The following NBPF3 variants were observed in gnomAD, a reference collection of about 807,000 sequenced individuals.
The protein encoded by NBPF3 is NBPF member 3, also known as NBPF family member NBPF3.
A neutral mutation model predicts 78.1 loss-of-function variants in NBPF3; 57 were observed. The ratio of observed to expected loss-of-function variants is 0.73; its 90% CI spans 0.59 to 0.91. The LOEUF (loss-of-function observed/expected upper bound fraction) is 0.91. Ranked by LOEUF, NBPF3 falls within the 40% of genes least tolerant of loss-of-function variation. The probability of loss-of-function intolerance (pLI) is 0.00; values close to 1 mark genes in which losing one functional copy is unlikely to be tolerated. For synonymous variants in NBPF3, 182 were observed against 271.7 expected, an observed-to-expected ratio of 0.67 and a Z score of 3.25; for missense variants, 510 against 715.3, an observed-to-expected ratio of 0.71 and a Z score of 3.27.
intron 3 of NBPF3, among the ~76,000 whole-genome samples, chr1:21,469,588 G>A (rs1642473614): frequency 6.6e-6 from 1 of 152,178 alleles, no homozygotes; most frequent in Non-Finnish European, 1.5e-5. Context: ...AGCTGGGCGT[G>A]GTGGCGGGCG....
At chr1:21,454,783 A>C (rs1641505038) in intron 2 of NBPF3, among the ~76,000 whole-genome samples, 1 of 152,040 alleles carries the variant, frequency 6.6e-6, no homozygotes, top group South Asian at 2.1e-4. Context: ...ATTTGTATTA[A>C]CTTTCTATTG....
chr1:21,448,236 T>C (rs572097199), intron 2 of NBPF3, among the ~76,000 whole-genome samples: 60 of 152,306 alleles, frequency 3.9e-4, no homozygotes, highest in African/African-American at 1.4e-3. Context: ...TTTTCTCTTA[T>C]GTTATCTCCT....
chr1:21,448,683 G>A (rs1186010434), intron 2 of NBPF3, among the ~76,000 whole-genome samples: 5 of 152,102 alleles, frequency 3.3e-5, no homozygotes, highest in African/African-American at 1.2e-4. Flanking sequence ...AGTTTTTAAT[G>A]CTCTAGCCAG....
At chr1:21,465,188 C>T (rs200180925) in intron 2 of NBPF3, among the ~76,000 whole-genome samples, 3,690 of 152,240 alleles carry the variant, frequency 0.024, 31 homozygotes, top group East Asian at 0.092. Context: ...GGCTCCAGGA[C>T]TTACAACAAG....
At chr1:21,447,545 T>C (rs1641060200) in intron 2 of NBPF3, among the ~76,000 whole-genome samples, 1 of 152,220 alleles carries the variant, frequency 6.6e-6, no homozygotes, top group Non-Finnish European at 1.5e-5. Context: ...TAGCATTATG[T>C]ACTTTAAGTT....
At chr1:21,466,376 A>G (rs1189858902) in intron 2 of NBPF3, among the ~76,000 whole-genome samples, 7 of 152,258 alleles carry the variant, frequency 4.6e-5, no homozygotes, top group African/African-American at 1.4e-4. Context: ...TAAAACCTAA[A>G]CCACTGCTCA....
intron 10 of NBPF3, among the ~76,000 whole-genome samples, chr1:21,479,806 C>CTA (rs1553398276): frequency 0.013 from 1,137 of 87,624 alleles, 24 homozygotes; most frequent in Middle Eastern, 0.049. Context: ...CTCTCTCTCT[C>CTA]TCTCTCTCTC....
chr1:21,447,279 A>G (rs1641042946), intron 2 of NBPF3, among the ~76,000 whole-genome samples: 1 of 152,232 alleles, frequency 6.6e-6, no homozygotes, highest in Non-Finnish European at 1.5e-5. Flanking sequence ...CCTAAAGTCC[A>G]TAGTTTACAT....
chr1:21,445,283 G>C (rs1384531152), intron 2 of NBPF3, 64 bp downstream of exon 2: 1 of 1,552,170 alleles, frequency 6.4e-7, no homozygotes, highest in Non-Finnish European at 8.8e-7. Flanking sequence ...TTATAACTCA[G>C]ATGTGAAGGG....
chr1:21,468,291 G>C, intron 2 of NBPF3: 1 of 657,042 alleles, frequency 1.5e-6, no homozygotes. Context: ...CGAACACTGA[G>C]AGTGAATTTT....
chr1:21,472,712 C>T (rs772396999), intron 5 of NBPF3, 131 bp from the exon 6 acceptor site: 188 of 751,510 alleles, frequency 2.5e-4, no homozygotes, highest in Middle Eastern at 1.1e-3. Flanking sequence ...ATTTTGTTAA[C>T]GATAAAACAT....
intron 2 of NBPF3, among the ~76,000 whole-genome samples, chr1:21,457,414 A>G (rs1463169375): frequency 6.6e-6 from 1 of 151,128 alleles, no homozygotes; most frequent in Non-Finnish European, 1.5e-5. Flanking sequence ...ATGCATGTGT[A>G]TATATATGTG....
At position 21,460,806 on chromosome 1, in the gene NBPF3, T is replaced by C. The variant is rs80104823; in HGVS notation, c.134-7882T>C. ...GCTTATTATGTTGTTGTTTAACAAC[T>C]TAAAAGCTATCTGTAGACCAGGAAT... is the stretch of plus-strand genomic sequence containing the variant. On this transcript the variant is annotated intron_variant, in intron 2 of 14. Coordinates refer to ENST00000318249, the MANE Select transcript of NBPF3 (RefSeq NM_032264.6). The surrounding 1 kb of genome is among the most constrained non-coding windows in gnomAD (Gnocchi z 4.2). Among the ~76,000 whole-genome samples, 2,415 of 152,304 alleles carry C rather than the reference T, an allele frequency of 0.016. 65 individuals are homozygous for C. The highest frequency in any genetic ancestry group is 0.054 in the African/African-American group (2,231 of 41,560).
At chr1:21,455,170 T>A (rs1641529071) in intron 2 of NBPF3, among the ~76,000 whole-genome samples, 2 of 152,374 alleles carry the variant, frequency 1.3e-5, no homozygotes, top group South Asian at 4.1e-4. Context: ...CAGGAAGTCC[T>A]CAGTCCCTCC....
At chr1:21,467,295 G>A in intron 2 of NBPF3, 1 of 985,414 alleles carries the variant, frequency 1.0e-6, no homozygotes, top group Non-Finnish European at 1.2e-6. Context: ...CACACTCACT[G>A]CACCCTCAAC....
chr1:21,468,955 G>C (rs1414304560), intron 3 of NBPF3, 58 bp downstream of exon 3: 23 of 1,332,174 alleles, frequency 1.7e-5, no homozygotes, highest in African/African-American at 2.9e-5. Context: ...TCTTCTCGCT[G>C]AGAAACTAAA....
intron 2 of NBPF3, among the ~76,000 whole-genome samples, chr1:21,464,578 T>A (rs1642147226): frequency 1.3e-5 from 2 of 151,878 alleles, no homozygotes; most frequent in Non-Finnish European, 2.9e-5. Context: ...GACACTGAAA[T>A]GTATGCTTAA....
chr1:21,447,976 C>T (rs1004842480), intron 2 of NBPF3, among the ~76,000 whole-genome samples: 1 of 152,050 alleles, frequency 6.6e-6, no homozygotes, highest in East Asian at 1.9e-4. Flanking sequence ...GATCTTTCAC[C>T]TATTTTTTTT....
At chr1:21,474,522 A>T (rs967101945) in intron 7 of NBPF3, among the ~76,000 whole-genome samples, 3 of 152,174 alleles carry the variant, frequency 2.0e-5, no homozygotes, top group Non-Finnish European at 4.4e-5. Context: ...GTCGAGTTTC[A>T]TGTGTAGATC....
Sources: allele counts gnomAD v4.1 joint callset (sites outside exome capture counted in the v4.1 genomes callset), GRCh38; gene constraint gnomAD v4.1.1; non-coding constraint Gnocchi (gnomAD v3.1); transcripts MANE v1.5; gene names NCBI Gene and HGNC (gene_info 2026-07-23, HGNC 2026-07-21).